The following COL9A1 variants were observed in gnomAD, a reference collection of about 807,000 sequenced individuals.
COL9A1 encodes collagen alpha-1(IX) chain.
In COL9A1, 104 loss-of-function variants were observed where a neutral mutation model predicts 142.6. The observed-to-expected ratio is 0.73, with a 90% CI of 0.62 to 0.86. The LOEUF is 0.86. Ranked by LOEUF, COL9A1 falls within the 40% of genes least tolerant of loss-of-function variation. The pLI, the probability that COL9A1 is intolerant of heterozygous loss-of-function variation, is 0.00. For missense variants in COL9A1, 1,210 were observed against 1,176.6 expected (o/e 1.03, Z -0.42); for synonymous variants, 466 against 396.0 (o/e 1.18, Z -2.10).
In COL9A1 at chr6:70,234,822, G is replaced by A. The variant is rs1769797025; in HGVS notation, c.2231C>T (p.Thr744Ile). 6.2e-7 allele frequency: 1 copy of A among 1,613,934 alleles called. No homozygotes were observed. Among genetic ancestry groups the A allele is most frequent in the African/African-American group, 1.3e-5 (1 of 74,910 alleles). ...AGGGCCCTGGACACCAGGCAGGCCG[G>A]TGGCACCCTGTTCTCCCTGCACACC... is the stretch of plus-strand genomic sequence containing the variant. ...PRGVQGEQGA[T>I]GLPGVQGPPG... The change falls in exon 34 of 38, where the codon ACC (threonine) becomes ATC (isoleucine). Residue 744 changes from threonine to isoleucine, a missense_variant. Coordinates refer to ENST00000357250, the MANE Select transcript of COL9A1 (RefSeq NM_001851.6).
At chr6:70,283,635 TG>T in intron 6 of COL9A1, 101 bp downstream of exon 6, 1 of 820,572 alleles carries the variant, frequency 1.2e-6, no homozygotes, top group East Asian at 2.6e-5. Flanking sequence ...CGAAAGAGAG[TG>T]GGGAGGAGGG....
rs112329120 is a variant in COL9A1, at chr6:70,240,656, G to T, written c.2079+33C>A. The T allele has an allele frequency of 3.6e-5, 57 of 1,572,436 alleles. No homozygotes were observed. The African/African-American group carries it at 5.7e-4, about 16-fold the overall frequency. The stretch of plus-strand genomic sequence containing the variant: ...CTTCTAACAGTTCAAAATTGGTAAA[G>T]CTTCATCATTAACCAGAAAAAAAAA... On this transcript the variant is annotated intron_variant, in intron 32 of 37. Coordinates refer to ENST00000357250, the MANE Select transcript of COL9A1 (RefSeq NM_001851.6).
In COL9A1 at chr6:70,252,286, A is replaced by G; in HGVS notation, c.1794T>C (p.Gly598=). ...KGSTGAPGKP[G]QMGNSGKPGQ... ...CCGGTTTGCCTGAATTTCCCATCTG[A>G]CCAGGCTTCCCTGGAGCACCTGTGC... is the stretch of plus-strand genomic sequence containing the variant. Residue 598 remains glycine, a synonymous_variant, in exon 27 of 38, where the codon GGT becomes GGC. Coordinates refer to ENST00000357250, the MANE Select transcript of COL9A1 (RefSeq NM_001851.6). The G allele has an allele frequency of 6.2e-7, 1 of 1,614,198 alleles. No homozygotes were observed. Among genetic ancestry groups the G allele is most frequent in the Non-Finnish European group, 8.5e-7 (1 of 1,180,016 alleles).
chr6:70,252,385 A>G lies in COL9A1; in HGVS notation c.1765-70T>C, dbSNP rs1771000050. 14 of 1,367,002 alleles carry G rather than the reference A, an allele frequency of 1.0e-5. No individual in the cohort carries two copies. In the Admixed American group the frequency reaches 2.4e-4, roughly 23 times the overall value. 84.7% of individuals were successfully genotyped at this position (1,367,002 alleles called of 1,614,324 possible). On this transcript the variant is annotated intron_variant, in intron 26 of 37. Coordinates refer to ENST00000357250, the MANE Select transcript of COL9A1 (RefSeq NM_001851.6). ...GCATAATCATCAATCTGCCTTACCC[A>G]GACTGGGATCTCTTACATTTGAATA...
intron 28 of COL9A1, 133 bp from the exon 29 acceptor site, chr6:70,242,848 T>C: frequency 2.6e-6 from 2 of 765,818 alleles, no homozygotes; most frequent in Non-Finnish European, 4.6e-6. Flanking sequence ...ACATAGTGCC[T>C]ACAGCATCCT....
Position 70,216,914 on chromosome 6 carries a change from T to G in COL9A1, c.2749A>C (p.Lys917Gln). Residue 917 changes from lysine (K) to glutamine (Q), a missense_variant, in exon 38 of 38, where the codon AAA becomes CAA. Coordinates refer to ENST00000357250, the MANE Select transcript of COL9A1 (RefSeq NM_001851.6). ...TMQAGQRAFN[K>Q]GPDP Reference sequence around the variant, plus strand: ...TAAGCCTTTCAAGGGTCAGGCCCTTTGTTAAATGCTCGCTGACCAGCCTGC... The same window carrying G: ...TAAGCCTTTCAAGGGTCAGGCCCTTGGTTAAATGCTCGCTGACCAGCCTGC... 6.2e-7 allele frequency: 1 copy of G among 1,614,050 alleles called. No homozygotes were observed. The highest frequency in any genetic ancestry group is 2.2e-5 in the East Asian group (1 of 44,870).
chr6:70,263,673 G>A (rs536925204), intron 18 of COL9A1, among the ~76,000 whole-genome samples: 1 of 151,546 alleles, frequency 6.6e-6, no homozygotes, highest in Admixed American at 6.6e-5. Flanking sequence ...CAAATGGGGG[G>A]GATTTATTAT....
At position 70,240,594 on chromosome 6, in the gene COL9A1, T is replaced by TAC; in HGVS notation, c.2079+93_2079+94dup. The TAC allele has an allele frequency of 8.7e-5, 56 of 643,476 alleles. 1 individual carries two copies. The highest frequency in any genetic ancestry group is 1.3e-4 in the South Asian group (6 of 45,154). 39.9% of individuals were successfully genotyped at this position (643,476 alleles called of 1,614,324 possible). On this transcript the variant is annotated intron_variant, in intron 32 of 37. Coordinates refer to ENST00000357250, the MANE Select transcript of COL9A1 (RefSeq NM_001851.6). ...GAAAATAAGAATATATATATATATA[T>TAC]ACCAATTTTGAACTGTGTTAGAAGT...
chr6:70,251,717 G>C (rs1770958661), intron 28 of COL9A1, among the ~76,000 whole-genome samples: 1 of 152,044 alleles, frequency 6.6e-6, no homozygotes, highest in African/African-American at 2.4e-5. Context: ...GTGGGAGGTG[G>C]GTATAAGATT....
chr6:70,251,038 C>T (rs769012153), intron 28 of COL9A1, among the ~76,000 whole-genome samples: 1 of 152,174 alleles, frequency 6.6e-6, no homozygotes, highest in Non-Finnish European at 1.5e-5. Flanking sequence ...TACGAATGTT[C>T]ATAGCAGCAC....
chr6:70,252,100 G>T lies in COL9A1; in HGVS notation c.1872+20C>A, dbSNP rs749032994. 1 of 1,613,188 alleles carries T rather than the reference G, an allele frequency of 6.2e-7. No homozygotes were observed. On this transcript the variant is annotated intron_variant, in intron 28 of 37. Transcript: ENST00000357250. ...AGTCCTGAGAAGGTGCTTTAGGAAA[G>T]AACAGCAAGGAATACTCACAGGAAG...
At chr6:70,256,107 T>G (rs1384892636) in intron 21 of COL9A1, among the ~76,000 whole-genome samples, 1 of 152,206 alleles carries the variant, frequency 6.6e-6, no homozygotes, top group Non-Finnish European at 1.5e-5. Flanking sequence ...CCCTGTACTT[T>G]GCTGTCTTTC....
At position 70,281,879 on chromosome 6, in the gene COL9A1, A is replaced by G. The variant is rs1773187832; in HGVS notation, c.802-415T>C. Among the ~76,000 whole-genome samples the G allele has an allele frequency of 2.6e-5, 4 of 152,194 alleles. No homozygotes were observed. The South Asian group carries it at 8.3e-4, about 32-fold the overall frequency. ...GTGTTTTGGCCAGAATGGAACAGCC[A>G]AGAACAGAGACTCCACACCAGGATC... On this transcript the variant is annotated intron_variant, in intron 7 of 37. Transcript: ENST00000357250.
chr6:70,276,588 G>A (rs955753936), intron 10 of COL9A1, among the ~76,000 whole-genome samples: 2 of 152,120 alleles, frequency 1.3e-5, no homozygotes, highest in African/African-American at 4.8e-5. Flanking sequence ...AGTTGAAAAT[G>A]GATTCTGGTG....
At chr6:70,275,826 A>T (rs1346840862) in intron 10 of COL9A1, among the ~76,000 whole-genome samples, 1 of 152,104 alleles carries the variant, frequency 6.6e-6, no homozygotes, top group African/African-American at 2.4e-5. Context: ...GATTTTGAAG[A>T]AGACCCAAAC....
chr6:70,298,403 C>A (rs1022224531), intron 4 of COL9A1, among the ~76,000 whole-genome samples: 3 of 152,186 alleles, frequency 2.0e-5, no homozygotes, highest in African/African-American at 4.8e-5. Context: ...TTCCACATGT[C>A]TGAGTCTCTA....
chr6:70,246,925 TA>T, intron 28 of COL9A1, among the ~76,000 whole-genome samples: 1 of 152,312 alleles, frequency 6.6e-6, no homozygotes, highest in South Asian at 2.1e-4. Context: ...AAAGTGGGAA[TA>T]AAAATAGTAC....
Position 70,242,849 on chromosome 6 carries a change from A to G in COL9A1, c.1873-134T>C, listed in dbSNP as rs529555936. The G allele has an allele frequency of 5.2e-6, 4 of 766,244 alleles. No homozygotes were observed. The African/African-American group carries it at 6.9e-5, about 13-fold the overall frequency. 47.5% of individuals were successfully genotyped at this position (766,244 alleles called of 1,614,324 possible). A position where few individuals can be genotyped will look rare whatever the true frequency, so the allele number is the denominator to read the frequency against. On this transcript the variant is annotated intron_variant, in intron 28 of 37. Coordinates refer to ENST00000357250, the MANE Select transcript of COL9A1 (RefSeq NM_001851.6). ...GCATAGGCCATCCTACATAGTGCCT[A>G]CAGCATCCTGTGTTCATCTTGCATT...
intron 10 of COL9A1, among the ~76,000 whole-genome samples, chr6:70,275,771 C>T (rs1562320483): frequency 6.6e-6 from 1 of 151,986 alleles, no homozygotes; most frequent in Non-Finnish European, 1.5e-5. Context: ...TGTACATATA[C>T]ATACATGCCT....
Sources: allele counts gnomAD v4.1 joint callset (sites outside exome capture counted in the v4.1 genomes callset), GRCh38; gene constraint gnomAD v4.1.1; transcripts MANE v1.5; gene names NCBI Gene and HGNC (gene_info 2026-07-23, HGNC 2026-07-21).